Variants in ZDHHC21 observed in about 807,000 individuals in gnomAD.
ZDHHC21 encodes zDHHC palmitoyltransferase 21.
ZDHHC21 carries 15 observed loss-of-function variants against 34.6 expected under a neutral mutation model. That is an observed-to-expected ratio of 0.43 (90% confidence interval 0.29 to 0.67). The LOEUF (loss-of-function observed/expected upper bound fraction) is 0.67. Ranked by LOEUF, ZDHHC21 falls within the 30% of genes least tolerant of loss-of-function variation. The pLI, the probability that ZDHHC21 is intolerant of heterozygous loss-of-function variation, is 0.14. For missense variants in ZDHHC21, 344 were observed against 327.7 expected, an observed-to-expected ratio of 1.05 and a Z score of -0.38; for synonymous variants, 142 against 101.8, an observed-to-expected ratio of 1.40 and a Z score of -2.38.
At chr9:14,685,860 G>C (rs1209189554) in intron 2 of ZDHHC21, among the ~76,000 whole-genome samples, 1 of 152,150 alleles carries the variant, frequency 6.6e-6, no homozygotes, top group Non-Finnish European at 1.5e-5. Flanking sequence ...ATACACCATG[G>C]AATACTATGC....
At chr9:14,604,113 G>C in the ZDHHC21 span, among the ~76,000 whole-genome samples, 1 of 152,102 alleles carries the variant, frequency 6.6e-6, no homozygotes, top group Non-Finnish European at 1.5e-5. Context: ...CATTACATAG[G>C]GTTAGTGAGG....
chr9:14,620,217 C>T (rs546959327), intron 8 of ZDHHC21, among the ~76,000 whole-genome samples: 25 of 151,820 alleles, frequency 1.6e-4, no homozygotes, highest in Admixed American at 7.9e-4. Context: ...TCTTTCTTAG[C>T]GGAAAAAATA....
intron 7 of ZDHHC21, among the ~76,000 whole-genome samples, chr9:14,655,502 T>C (rs1299218272): frequency 6.6e-6 from 1 of 151,974 alleles, no homozygotes; most frequent in African/African-American, 2.4e-5. Context: ...TAATGTCTTG[T>C]TATCATGTGA....
intron 1 of ZDHHC21, among the ~76,000 whole-genome samples, chr9:14,692,917 C>G (rs1425154145): frequency 6.6e-6 from 1 of 151,946 alleles, no homozygotes; most frequent in Non-Finnish European, 1.5e-5. Context: ...AAATAAATAA[C>G]TAGCCAACAT....
At chr9:14,645,013 G>C (rs983922211) in intron 7 of ZDHHC21, among the ~76,000 whole-genome samples, 1 of 152,096 alleles carries the variant, frequency 6.6e-6, no homozygotes, top group Non-Finnish European at 1.5e-5. Context: ...CCAAGTGGGA[G>C]AAAACTGGTT....
chr9:14,595,382 C>T, the ZDHHC21 span, among the ~76,000 whole-genome samples: 4 of 152,238 alleles, frequency 2.6e-5, no homozygotes, highest in African/African-American at 7.2e-5. Context: ...CTCAAAAACA[C>T]TACATTAAGT....
In ZDHHC21 at chr9:14,658,464, CTTTTT is replaced by C. The variant is rs769819264; in HGVS notation, c.504+280_504+284del. Reference sequence around the variant, plus strand: ...CTAATGTTAGTGGATATAAACATTTCTTTTTTTTTTTTTTTTTTTTTTTTTTGAGA... The same window carrying C: ...CTAATGTTAGTGGATATAAACATTTCTTTTTTTTTTTTTTTTTTTTTGAGA... On this transcript the variant is annotated intron_variant, in intron 7 of 9. Transcript: ENST00000380916. Among the ~76,000 whole-genome samples, 14 of 65,376 alleles carry C rather than the reference CTTTTT, an allele frequency of 2.1e-4. 1 individual carries two copies. Among genetic ancestry groups the C allele is most frequent in the East Asian group, 5.3e-4 (1 of 1,886 alleles). The allele number at this position is 65,376 out of a possible 152,430, so 42.9% of individuals were successfully genotyped here. A position where few individuals can be genotyped will look rare whatever the true frequency, so the allele number is the denominator to read the frequency against.
At chr9:14,621,881 A>G (rs1033578340) in intron 8 of ZDHHC21, among the ~76,000 whole-genome samples, 4 of 152,146 alleles carry the variant, frequency 2.6e-5, no homozygotes, top group African/African-American at 7.2e-5. Flanking sequence ...TTGGAATTAA[A>G]AAAAACCACT....
chr9:14,660,040 T>C (rs1307644546), intron 6 of ZDHHC21, among the ~76,000 whole-genome samples: 2 of 152,142 alleles, frequency 1.3e-5, no homozygotes, highest in African/African-American at 4.8e-5. Flanking sequence ...TCAATCTATA[T>C]GAGTTCTTTT....
intron 5 of ZDHHC21, among the ~76,000 whole-genome samples, chr9:14,670,284 G>A (rs1835219221): frequency 1.3e-5 from 2 of 152,054 alleles, no homozygotes; most frequent in South Asian, 4.1e-4. Context: ...AATAGTTAGA[G>A]AAAGCCTACA....
At chr9:14,684,260 T>C (rs1837911390) in intron 2 of ZDHHC21, among the ~76,000 whole-genome samples, 2 of 151,742 alleles carry the variant, frequency 1.3e-5, no homozygotes, top group South Asian at 4.2e-4. Context: ...GGAAGTCAAA[T>C]TGTCCCTGTT....
At chr9:14,639,362 G>A (rs1343789473) in intron 8 of ZDHHC21, among the ~76,000 whole-genome samples, 1 of 152,054 alleles carries the variant, frequency 6.6e-6, no homozygotes, top group Non-Finnish European at 1.5e-5. Context: ...TGGAAAGGGT[G>A]CATGGGTGGA....
At chr9:14,653,670 C>T (rs7848693) in intron 7 of ZDHHC21, among the ~76,000 whole-genome samples, 8,717 of 151,964 alleles carry the variant, frequency 0.057, 791 homozygotes, top group African/African-American at 0.2. Context: ...CTTCTCAGAC[C>T]TTATGGCCAC....
intron 3 of ZDHHC21, among the ~76,000 whole-genome samples, chr9:14,679,674 C>G (rs1837032106): frequency 6.6e-6 from 1 of 152,084 alleles, no homozygotes; most frequent in Non-Finnish European, 1.5e-5. Context: ...ACTAAACTTA[C>G]AAACTAACTG....
the ZDHHC21 span, among the ~76,000 whole-genome samples, chr9:14,605,896 T>C: frequency 0.013 from 1,911 of 152,246 alleles, 23 homozygotes; most frequent in Middle Eastern, 0.034. Flanking sequence ...TCCAAAAATG[T>C]ACAAAACATT....
At chr9:14,664,414 C>T (rs113138855) in intron 5 of ZDHHC21, among the ~76,000 whole-genome samples, 25 of 150,392 alleles carry the variant, frequency 1.7e-4, no homozygotes, top group Non-Finnish European at 3.1e-4. Flanking sequence ...AACTGCAAGG[C>T]GGCAGCCAGG....
chr9:14,600,727 A>G, the ZDHHC21 span, among the ~76,000 whole-genome samples: 1 of 152,218 alleles, frequency 6.6e-6, no homozygotes, highest in South Asian at 2.1e-4. Context: ...GGCTGGAGGC[A>G]TTATGCTACC....
intron 8 of ZDHHC21, among the ~76,000 whole-genome samples, chr9:14,629,530 T>C (rs750689749): frequency 6.6e-6 from 1 of 152,230 alleles, no homozygotes; most frequent in African/African-American, 2.4e-5. Flanking sequence ...TCTCACTGCA[T>C]ATAAATGTTA....
intron 7 of ZDHHC21, among the ~76,000 whole-genome samples, chr9:14,644,194 T>C (rs1199427747): frequency 6.6e-6 from 1 of 152,214 alleles, no homozygotes; most frequent in Non-Finnish European, 1.5e-5. Flanking sequence ...AAGGTTTGTT[T>C]GTGAGCATAT....
Sources: allele counts gnomAD v4.1 joint callset (sites outside exome capture counted in the v4.1 genomes callset), GRCh38; gene constraint gnomAD v4.1.1; transcripts MANE v1.5; gene names NCBI Gene and HGNC (gene_info 2026-07-23, HGNC 2026-07-21).